ABLIM2: variants seen among roughly 807,000 people sequenced by gnomAD.
ABLIM2 encodes the protein actin-binding LIM protein 2.
In ABLIM2, 53 loss-of-function variants were observed where a neutral mutation model predicts 97.7. The ratio of observed to expected loss-of-function variants is 0.54; its 90% CI spans 0.44 to 0.68. ABLIM2 has a LOEUF of 0.68. ABLIM2 is among the 30% of genes least tolerant of loss of function. The pLI is 0.00. For missense variants in ABLIM2, 835 were observed against 867.2 expected (o/e 0.96, Z 0.47); for synonymous variants, 361 against 345.8 (o/e 1.04, Z -0.49).
At chr4:8,115,654 T>C (rs1181846726) in intron 1 of ABLIM2, among the ~76,000 whole-genome samples, 2 of 152,228 alleles carry the variant, frequency 1.3e-5, no homozygotes, top group African/African-American at 2.4e-5. Flanking sequence ...CCCTGTGGCA[T>C]GCTGCATCTT....
At position 8,105,715 on chromosome 4, in the gene ABLIM2, T is replaced by C. The variant is rs180683743; in HGVS notation, c.154+779A>G. Among the ~76,000 whole-genome samples, 295 of 152,334 alleles carry C rather than the reference T, an allele frequency of 1.9e-3. 1 individual carries two copies. The highest frequency in any genetic ancestry group is 6.9e-3 in the African/African-American group (285 of 41,574). ...CGCACACCGCAGCAGGGATTTGCAGTGTCCTTAATGTGATTCCTTTAAAAC... is the reference window on the plus strand; with the variant it reads ...CGCACACCGCAGCAGGGATTTGCAGCGTCCTTAATGTGATTCCTTTAAAAC... On this transcript the variant is annotated intron_variant, in intron 2 of 20. Transcript: ENST00000447017.
intron 1 of ABLIM2, among the ~76,000 whole-genome samples, chr4:8,119,173 C>A (rs1249351152): frequency 1.3e-5 from 2 of 152,038 alleles, no homozygotes; most frequent in African/African-American, 4.8e-5. Context: ...TGGTCTCAAA[C>A]GTGTCTCAGG....
In ABLIM2 at chr4:8,019,508, G is replaced by A; in HGVS notation, c.1423+110C>T. ...TAGTCAGACTGCTAAGGGCCTTGGT[G>A]GTGCCTTCACTGCATTTATCAGAAC... is the stretch of plus-strand genomic sequence containing the variant. On this transcript the variant is annotated intron_variant, in intron 14 of 20. Coordinates refer to ENST00000447017, the MANE Select transcript of ABLIM2 (RefSeq NM_001130083.2). The surrounding 1 kb of genome is among the most constrained non-coding windows in gnomAD (Gnocchi z 4.3). The A allele has an allele frequency of 9.5e-7, 1 of 1,056,562 alleles. No individual in the cohort carries two copies. The highest frequency in any genetic ancestry group is 1.4e-6 in the Non-Finnish European group (1 of 722,654). The allele number at this position is 1,056,562 out of a possible 1,614,324, so 65.4% of individuals were successfully genotyped here.
At chr4:8,146,758 G>A (rs954463512) in intron 1 of ABLIM2, among the ~76,000 whole-genome samples, 109 of 152,330 alleles carry the variant, frequency 7.2e-4, no homozygotes, top group African/African-American at 2.5e-3. Context: ...TTGAACTCCT[G>A]AGCTGAAGTG....
Position 8,071,750 on chromosome 4 carries a change from T to G in ABLIM2, c.675+5878A>C. 1 of 985,376 alleles carries G rather than the reference T, an allele frequency of 1.0e-6. No homozygotes were observed. Among genetic ancestry groups the G allele is most frequent in the Non-Finnish European group, 1.2e-6 (1 of 829,990 alleles). 61.0% of individuals were successfully genotyped at this position (985,376 alleles called of 1,614,324 possible). A position where few individuals can be genotyped will look rare whatever the true frequency, so the allele number is the denominator to read the frequency against. ...TGAGCCCCCATCAGCCCCTTGGAGT[T>G]GCGGGCCAGGTTTCCTACCTGCACA... On this transcript the variant is annotated intron_variant, in intron 6 of 20. Transcript: ENST00000447017. The surrounding 1 kb of genome is among the most constrained non-coding windows in gnomAD (Gnocchi z 6.2).
intron 20 of ABLIM2, 94 bp downstream of exon 20, chr4:7,983,170 C>T: frequency 2.2e-6 from 3 of 1,343,364 alleles, no homozygotes; most frequent in Non-Finnish European, 3.1e-6. Flanking sequence ...CCCACGGTGG[C>T]CCCTTGGGCA....
At chr4:8,025,540 C>T (rs963033611) in intron 12 of ABLIM2, among the ~76,000 whole-genome samples, 2 of 152,168 alleles carry the variant, frequency 1.3e-5, no homozygotes, top group East Asian at 1.9e-4. Flanking sequence ...TTGGCTGTCT[C>T]GGGAGCTGAG....
intron 8 of ABLIM2, among the ~76,000 whole-genome samples, chr4:8,049,145 T>A (rs1286248373): frequency 2.0e-5 from 3 of 151,768 alleles, no homozygotes; most frequent in Non-Finnish European, 4.4e-5. Flanking sequence ...TCCACGTTTG[T>A]CTCCCCCACC....
rs114705245 is a variant in ABLIM2 at position 7,977,265 on chromosome 4, A to C, written c.1824+5999T>G. 7.3e-3 allele frequency among the ~76,000 whole-genome samples: 1,111 copies of C among 152,264 alleles called. 19 individuals carry two copies. Among genetic ancestry groups the C allele is most frequent in the African/African-American group, 0.025 (1,047 of 41,532 alleles). On this transcript the variant is annotated intron_variant, in intron 20 of 20. Transcript: ENST00000447017. ...ATTGTAAGTTTCCAGAGGCCTCCCT[A>C]GTCATGCAGAACTGTGAGCAAATTA...
At position 7,986,819 on chromosome 4, in the gene ABLIM2, C is replaced by T. The variant is rs1339012170; in HGVS notation, c.1681-1926G>A. 6.6e-6 allele frequency among the ~76,000 whole-genome samples: 1 copy of T among 152,076 alleles called. No individual in the cohort carries two copies. Among genetic ancestry groups the T allele is most frequent in the Admixed American group, 6.6e-5 (1 of 15,260 alleles). On this transcript the variant is annotated intron_variant, in intron 17 of 20. Coordinates refer to ENST00000447017, the MANE Select transcript of ABLIM2 (RefSeq NM_001130083.2). The surrounding 1 kb of genome is among the most constrained non-coding windows in gnomAD (Gnocchi z 4.3). ...TCCTGAGCAGCTGGGATTACAGGCG[C>T]CTACCACCACGGCGAGATAATTTTT... is the stretch of plus-strand genomic sequence containing the variant.
chr4:8,087,328 C>G lies in ABLIM2; in HGVS notation c.454+841G>C, dbSNP rs58538493. Among the ~76,000 whole-genome samples, 9,178 of 152,246 alleles carry G rather than the reference C, an allele frequency of 0.06. 624 individuals are homozygous for G. The highest frequency in any genetic ancestry group is 0.16 in the East Asian group (802 of 5,164). On this transcript the variant is annotated intron_variant, in intron 4 of 20. Transcript: ENST00000447017. The surrounding 1 kb of genome is among the most constrained non-coding windows in gnomAD (Gnocchi z 4.6). ...GGAAAGGCCACCTGGCTGCCCACTC[C>G]TTGCTGATACTTGGCCCCACACCTG...
chr4:8,118,356 C>T (rs1578213226), intron 1 of ABLIM2, among the ~76,000 whole-genome samples: 1 of 152,222 alleles, frequency 6.6e-6, no homozygotes, highest in South Asian at 2.1e-4. Context: ...TCCAATCCCA[C>T]AGGGTTGTAG....
intron 20 of ABLIM2, among the ~76,000 whole-genome samples, chr4:7,976,271 T>A (rs1732965198): frequency 6.6e-6 from 1 of 152,138 alleles, no homozygotes; most frequent in Non-Finnish European, 1.5e-5. Flanking sequence ...GTTCCGCCCC[T>A]TCGACTTCCC....
At chr4:8,151,263 A>G (rs930821156) in intron 1 of ABLIM2, among the ~76,000 whole-genome samples, 7 of 152,182 alleles carry the variant, frequency 4.6e-5, no homozygotes, top group Non-Finnish European at 7.3e-5. Context: ...GAAGCCACCC[A>G]GCTCGTTATC....
intron 1 of ABLIM2, among the ~76,000 whole-genome samples, chr4:8,152,875 C>T (rs1257645995): frequency 1.3e-5 from 2 of 152,212 alleles, no homozygotes; most frequent in Non-Finnish European, 2.9e-5. Flanking sequence ...AAGAAGGACA[C>T]AGAGGTCTTA....
intron 4 of ABLIM2, 39 bp from the exon 5 acceptor site, chr4:8,080,841 T>C (rs751408116): frequency 6.4e-7 from 1 of 1,570,536 alleles, no homozygotes. Flanking sequence ...CCCCCACCAT[T>C]GTGAGAGGTG....
At position 8,043,092 on chromosome 4, in the gene ABLIM2, C is replaced by T. The variant is rs1411274685; in HGVS notation, c.900+2072G>A. The stretch of plus-strand genomic sequence containing the variant: ...CCTGAGCCCGGGGAGGTTGAGGCTG[C>T]CATGAGCCATGATCTCACCACTGCA... On this transcript the variant is annotated intron_variant, in intron 9 of 20. Coordinates refer to ENST00000447017, the MANE Select transcript of ABLIM2 (RefSeq NM_001130083.2). The surrounding 1 kb of genome is among the most constrained non-coding windows in gnomAD (Gnocchi z 4.8). Among the ~76,000 whole-genome samples, 1 of 152,094 alleles carries T rather than the reference C, an allele frequency of 6.6e-6. No homozygotes were observed. The highest frequency in any genetic ancestry group is 1.5e-5 in the Non-Finnish European group (1 of 68,024).
At chr4:8,101,232 C>A (rs985174411) in intron 2 of ABLIM2, among the ~76,000 whole-genome samples, 1 of 152,224 alleles carries the variant, frequency 6.6e-6, no homozygotes, top group Non-Finnish European at 1.5e-5. Context: ...CTTGGCCCAG[C>A]CCGGCTCAGG....
rs965214608 is a variant in ABLIM2, at chr4:8,150,923, G to A, written c.10+7757C>T. On this transcript the variant is annotated intron_variant, in intron 1 of 20. Coordinates refer to ENST00000447017, the MANE Select transcript of ABLIM2 (RefSeq NM_001130083.2). This position sits in a 1 kb window ranked among gnomAD's most constrained non-coding sequence, Gnocchi z 6.3. ...CGGCTCCCACGGGGCACGACGTCAG[G>A]TTTGTCCCTGAGCTGTGAAGGGTAT... Among the ~76,000 whole-genome samples the A allele has an allele frequency of 6.6e-6, 1 of 152,122 alleles. No individual in the cohort carries two copies. The highest frequency in any genetic ancestry group is 1.5e-5 in the Non-Finnish European group (1 of 68,016).
Sources: allele counts gnomAD v4.1 joint callset (sites outside exome capture counted in the v4.1 genomes callset), GRCh38; gene constraint gnomAD v4.1.1; non-coding constraint Gnocchi (gnomAD v3.1); transcripts MANE v1.5; gene names NCBI Gene and HGNC (gene_info 2026-07-23, HGNC 2026-07-21).